Variants in SBF2 observed in about 807,000 individuals in gnomAD.
SBF2 encodes the protein myotubularin-related protein 13.
A neutral mutation model predicts 225.2 loss-of-function variants in SBF2; 112 were observed. The ratio of observed to expected loss-of-function variants is 0.50; its 90% CI spans 0.43 to 0.58. SBF2 has a LOEUF of 0.58. Ranked by LOEUF, SBF2 falls within the 20% of genes least tolerant of loss-of-function variation. SBF2 has a pLI of 0.00. For missense variants in SBF2, 1,996 were observed against 2,206.2 expected (o/e 0.90, Z 1.91); for synonymous variants, 763 against 773.3 (o/e 0.99, Z 0.22).
intron 1 of SBF2, among the ~76,000 whole-genome samples, chr11:10,223,055 T>C (rs1958397899): frequency 6.6e-6 from 1 of 152,118 alleles, no homozygotes. Flanking sequence ...ACAAGTTGTA[T>C]TCATTTTATA....
chr11:10,002,513 T>C, intron 7 of SBF2, 44 bp downstream of exon 7: 2 of 1,456,830 alleles, frequency 1.4e-6, no homozygotes, highest in Non-Finnish European at 1.9e-6. Flanking sequence ...CGATAAGTGA[T>C]ATGTAGTTTA....
chr11:9,968,300 T>TATAAACAGTTTACTTTTAAACAC (rs747511417), intron 14 of SBF2, 41 bp downstream of exon 14: 27 of 1,578,678 alleles, frequency 1.7e-5, no homozygotes, highest in Non-Finnish European at 2.1e-5. Context: ...CTTACATCCT[T>TATAAACAGTTTACTTTTAAACAC]ATAAACAGTT....
At chr11:9,935,746 C>T (rs1469843064) in intron 16 of SBF2, among the ~76,000 whole-genome samples, 2 of 152,304 alleles carry the variant, frequency 1.3e-5, no homozygotes, top group African/African-American at 4.8e-5. Flanking sequence ...GGAAAACTGA[C>T]TAGCCATATG....
intron 18 of SBF2, among the ~76,000 whole-genome samples, chr11:9,857,100 T>C (rs1057379753): frequency 6.6e-6 from 1 of 152,188 alleles, no homozygotes; most frequent in Non-Finnish European, 1.5e-5. Context: ...CATAGATGTT[T>C]TAAATAACTA....
At chr11:9,976,761 G>T (rs556219199) in intron 13 of SBF2, among the ~76,000 whole-genome samples, 15 of 150,476 alleles carry the variant, frequency 1.0e-4, no homozygotes, top group Admixed American at 2.7e-4. Flanking sequence ...CTTTTTTTTT[G>T]TTGTTGTTGT....
intron 17 of SBF2, among the ~76,000 whole-genome samples, chr11:9,882,553 A>C (rs1483603157): frequency 6.6e-6 from 1 of 152,138 alleles, no homozygotes; most frequent in Admixed American, 6.5e-5. Flanking sequence ...TCATGTCTGT[A>C]ATCCCAGCAC....
intron 2 of SBF2, among the ~76,000 whole-genome samples, chr11:10,133,884 T>G (rs375589897): frequency 6.6e-6 from 1 of 152,254 alleles, no homozygotes; most frequent in Non-Finnish European, 1.5e-5. Context: ...GAGCATCTTT[T>G]GTTCTAATAT....
At chr11:10,006,726 C>T (rs1264306575) in intron 6 of SBF2, among the ~76,000 whole-genome samples, 1 of 152,196 alleles carries the variant, frequency 6.6e-6, no homozygotes, top group Non-Finnish European at 1.5e-5. Context: ...CCTCCCACTT[C>T]CTCCTGGAGC....
chr11:9,794,572 G>A (rs1181606529), intron 33 of SBF2, among the ~76,000 whole-genome samples: 6 of 148,426 alleles, frequency 4.0e-5, no homozygotes, highest in African/African-American at 1.5e-4. Flanking sequence ...GGCTGAGGCA[G>A]GAGAATTGCC....
intron 2 of SBF2, among the ~76,000 whole-genome samples, chr11:10,057,092 A>G (rs73410879): frequency 0.014 from 2,203 of 152,272 alleles, 37 homozygotes; most frequent in African/African-American, 0.037. Context: ...GCTGTTTCAC[A>G]GCCTTCACTG....
chr11:9,977,492 GAAAA>G (rs200092202), intron 13 of SBF2, among the ~76,000 whole-genome samples: 1 of 120,914 alleles, frequency 8.3e-6, no homozygotes, highest in African/African-American at 3.2e-5. Context: ...GTCTCTTTAA[GAAAA>G]AAAAAAAAAA....
chr11:9,893,584 C>T (rs1447354751), intron 17 of SBF2, among the ~76,000 whole-genome samples: 2 of 152,200 alleles, frequency 1.3e-5, no homozygotes, highest in East Asian at 3.8e-4. Context: ...GCAGTGCTAT[C>T]TATAAAGTTT....
At chr11:10,249,949 T>C (rs1440625384) in intron 1 of SBF2, among the ~76,000 whole-genome samples, 1 of 151,834 alleles carries the variant, frequency 6.6e-6, no homozygotes, top group Non-Finnish European at 1.5e-5. Flanking sequence ...TTATTTAACA[T>C]GTTAAGTTAC....
chr11:10,184,656 G>C (rs1436134317), intron 2 of SBF2, among the ~76,000 whole-genome samples: 1 of 152,086 alleles, frequency 6.6e-6, no homozygotes, highest in Non-Finnish European at 1.5e-5. Flanking sequence ...TCTACTTCCT[G>C]CCTGTATGAA....
chr11:9,874,664 G>A (rs567657724), intron 17 of SBF2, among the ~76,000 whole-genome samples: 2 of 152,336 alleles, frequency 1.3e-5, no homozygotes, highest in South Asian at 4.1e-4. Context: ...CTGAGAATGA[G>A]TGACAGCCAG....
At chr11:10,252,754 G>A (rs897452529) in intron 1 of SBF2, among the ~76,000 whole-genome samples, 32 of 40,050 alleles carry the variant, frequency 8.0e-4, no homozygotes, top group Non-Finnish European at 1.7e-3. Context: ...AGCTTGCAGC[G>A]AGCTTGCAGC....
chr11:9,987,258 AT>A (rs1947240046), intron 13 of SBF2, among the ~76,000 whole-genome samples: 2 of 152,200 alleles, frequency 1.3e-5, no homozygotes, highest in African/African-American at 4.8e-5. Flanking sequence ...CAGAACTGGC[AT>A]ACGAGGGACA....
chr11:10,185,948 T>C (rs1956921235), intron 2 of SBF2, among the ~76,000 whole-genome samples: 1 of 152,160 alleles, frequency 6.6e-6, no homozygotes, highest in Non-Finnish European at 1.5e-5. Flanking sequence ...TCAATCCTTT[T>C]CACTCTCAAA....
intron 15 of SBF2, among the ~76,000 whole-genome samples, chr11:9,962,399 T>C (rs1157849796): frequency 1.3e-5 from 2 of 152,212 alleles, no homozygotes; most frequent in Non-Finnish European, 2.9e-5. Flanking sequence ...CCAAATTGAC[T>C]GTTGCTTCAG....
Sources: gnomAD v4.1 joint callset for allele counts (sites outside exome capture counted in the v4.1 genomes callset) on GRCh38, gnomAD v4.1.1 for gene constraint, MANE v1.5 for transcripts, NCBI Gene and HGNC (gene_info 2026-07-23, HGNC 2026-07-21) for gene names.